The following PCDHA3 variants were observed in gnomAD, a reference collection of about 807,000 sequenced individuals.
PCDHA3 encodes the protein protocadherin alpha-3.
Under a neutral mutation model 62.2 loss-of-function variants are expected in PCDHA3, and 41 were observed. That is an observed-to-expected ratio of 0.66 (90% CI 0.51 to 0.86). The LOEUF (loss-of-function observed/expected upper bound fraction) is 0.86. Among genes scored for constraint, PCDHA3 ranks in the 40% least tolerant of loss-of-function variants. The probability of loss-of-function intolerance (pLI) is 0.00; values close to 1 mark genes in which losing one functional copy is unlikely to be tolerated. For missense variants in PCDHA3, 1,304 were observed against 1,241.2 expected, an observed-to-expected ratio of 1.05 and a Z score of -0.76; for synonymous variants, 640 against 555.4, an observed-to-expected ratio of 1.15 and a Z score of -2.14.
chr5:140,868,098 A>C (rs972281563), intron 1 of PCDHA3: 1 of 152,120 alleles, frequency 6.6e-6, no homozygotes, highest in African/African-American at 2.4e-5. Context: ...AATGATAATA[A>C]AATTTATTTT....
intron 1 of PCDHA3, chr5:140,927,440 C>T (rs782460713): frequency 3.7e-6 from 6 of 1,614,050 alleles, no homozygotes; most frequent in Admixed American, 3.3e-5. Context: ...AGCGAATACC[C>T]GGAGTTGGTG....
intron 1 of PCDHA3, chr5:140,829,401 C>G: frequency 6.2e-7 from 1 of 1,614,092 alleles, no homozygotes; most frequent in Non-Finnish European, 8.5e-7. Context: ...TCGCTGTGGG[C>G]CACCGCCAGC....
At chr5:140,925,671 A>AATAATG (rs1554202870) in intron 1 of PCDHA3, among the ~76,000 whole-genome samples, 40 of 148,180 alleles carry the variant, frequency 2.7e-4, no homozygotes, top group African/African-American at 9.5e-4. Flanking sequence ...TAATAATAAT[A>AATAATG]ATAATAAAGC....
At chr5:140,908,073 G>A (rs2153503880) in intron 1 of PCDHA3, among the ~76,000 whole-genome samples, 1 of 152,322 alleles carries the variant, frequency 6.6e-6, no homozygotes, top group Admixed American at 6.5e-5. Context: ...CATGAAAAGT[G>A]CACAACCAGG....
At chr5:140,925,923 C>CT (rs111894943) in intron 1 of PCDHA3, among the ~76,000 whole-genome samples, 7,061 of 152,174 alleles carry the variant, frequency 0.046, 290 homozygotes, top group African/African-American at 0.11. Context: ...GCAAAGCACT[C>CT]CCAAGTAGAG....
At chr5:140,849,666 C>T (rs2041028520) in intron 1 of PCDHA3, 2 of 1,598,568 alleles carry the variant, frequency 1.3e-6, no homozygotes, top group African/African-American at 1.3e-5. Context: ...CTCCCTGACG[C>T]CCCACGTCCC....
intron 1 of PCDHA3, among the ~76,000 whole-genome samples, chr5:140,831,917 A>T (rs2150198247): frequency 0.034 from 5,232 of 152,270 alleles, 320 homozygotes; most frequent in African/African-American, 0.12. Flanking sequence ...TGCTTAAAAA[A>T]TTTGCTACTA....
intron 1 of PCDHA3, among the ~76,000 whole-genome samples, chr5:140,897,322 A>C (rs1407696399): frequency 7.4e-6 from 1 of 134,448 alleles, no homozygotes; most frequent in Non-Finnish European, 1.6e-5. Context: ...TCCTAAAGCT[A>C]TCCCTCCCCC....
At chr5:140,966,892 C>G (rs782364150) in intron 1 of PCDHA3, 4 of 1,595,414 alleles carry the variant, frequency 2.5e-6, no homozygotes, top group South Asian at 1.1e-5. Flanking sequence ...CTGCGGCCTC[C>G]CAGCTGCGAT....
intron 1 of PCDHA3, among the ~76,000 whole-genome samples, chr5:140,872,773 C>CTA (rs1354761914): frequency 6.6e-6 from 1 of 152,078 alleles, no homozygotes; most frequent in Non-Finnish European, 1.5e-5. Context: ...GCTATATTAT[C>CTA]TATAATATAT....
chr5:140,927,136 G>A (rs2083883058), intron 1 of PCDHA3: 3 of 1,613,986 alleles, frequency 1.9e-6, no homozygotes, highest in African/African-American at 2.7e-5. Flanking sequence ...AGAGCCGGCG[G>A]ACCGCGAACA....
Position 140,881,600 on chromosome 5 carries a change from A to G in PCDHA3, c.2394+78009A>G, listed in dbSNP as rs193128939. On this transcript the variant is annotated intron_variant, in intron 1 of 3. Coordinates refer to ENST00000522353, the MANE Select transcript of PCDHA3 (RefSeq NM_018906.3). ...GTCACATTGAGGGAAATTTATTAAT[A>G]TGATGTGCTTATTCAAAATCTGATA... 3.1e-3 allele frequency among the ~76,000 whole-genome samples: 469 copies of G among 152,338 alleles called. 3 individuals are homozygous for G. Among genetic ancestry groups the G allele is most frequent in the Middle Eastern group, 0.014 (4 of 294 alleles).
rs369162861 is a variant in PCDHA3 at position 140,870,379 on chromosome 5, G to T, written c.2394+66788G>T. ...GTGGGCCTATGAACTGGTGGTGACT[G>T]CGCGGGATGGGGGTTCGCCTTCTCT... On this transcript the variant is annotated intron_variant, in intron 1 of 3. Coordinates refer to ENST00000522353, the MANE Select transcript of PCDHA3 (RefSeq NM_018906.3). The T allele has an allele frequency of 8.1e-6, 13 of 1,614,100 alleles. No homozygotes were observed. In the African/African-American group the frequency reaches 1.7e-4, roughly 22 times the overall value.
At position 140,829,133 on chromosome 5, in the gene PCDHA3, C is replaced by T. The variant is rs1554131766; in HGVS notation, c.2394+25542C>T. ...AATTTTGGATAAAAATGATAACGTC[C>T]CTGAGATAGCACTGACTTCCTTATC... On this transcript the variant is annotated intron_variant, in intron 1 of 3. Transcript: ENST00000522353. 6.2e-7 allele frequency: 1 copy of T among 1,612,836 alleles called. No homozygotes were observed. Among genetic ancestry groups the T allele is most frequent in the Admixed American group, 1.7e-5 (1 of 60,014 alleles).
chr5:140,840,088 T>G (rs1346401195), intron 1 of PCDHA3, among the ~76,000 whole-genome samples: 2 of 152,012 alleles, frequency 1.3e-5, no homozygotes, highest in African/African-American at 2.4e-5. Context: ...ATAAACTTGT[T>G]GAAGATTTTA....
chr5:140,822,925 G>T (rs1160143508), intron 1 of PCDHA3: 2 of 1,614,144 alleles, frequency 1.2e-6, no homozygotes, highest in East Asian at 4.5e-5. Flanking sequence ...CAACGGGCAG[G>T]TGACCTGCTC....
intron 1 of PCDHA3, among the ~76,000 whole-genome samples, chr5:140,896,384 C>T (rs778057567): frequency 2.0e-5 from 3 of 152,172 alleles, no homozygotes; most frequent in Non-Finnish European, 4.4e-5. Flanking sequence ...TCTGCAACCT[C>T]ACCAGCATCT....
chr5:140,931,952 A>G (rs1159894265), intron 1 of PCDHA3, among the ~76,000 whole-genome samples: 2 of 151,970 alleles, frequency 1.3e-5, no homozygotes, highest in African/African-American at 4.8e-5. Flanking sequence ...AGTCTTACAG[A>G]ATCATGTTGA....
chr5:140,857,818 G>T, intron 1 of PCDHA3: 1 of 1,597,774 alleles, frequency 6.3e-7, no homozygotes, highest in Non-Finnish European at 8.6e-7. Flanking sequence ...GTCACGTGGT[G>T]GCTAAGGTGC....
Sources: allele counts gnomAD v4.1 joint callset (sites outside exome capture counted in the v4.1 genomes callset), GRCh38; gene constraint gnomAD v4.1.1; transcripts MANE v1.5; gene names NCBI Gene and HGNC (gene_info 2026-07-23, HGNC 2026-07-21).